CLN6: variants seen among roughly 807,000 people sequenced by gnomAD.
CLN6 encodes the protein ceroid-lipofuscinosis neuronal protein 6.
Under a neutral mutation model 33.3 loss-of-function variants are expected in CLN6, and 22 were observed. The observed-to-expected ratio is 0.66, with a 90% CI of 0.47 to 0.94. The LOEUF is 0.94. Among genes scored for constraint, CLN6 ranks in the 40% least tolerant of loss-of-function variants. CLN6 has a pLI of 0.00. For synonymous variants in CLN6, 201 were observed against 174.6 expected, an observed-to-expected ratio of 1.15 and a Z score of -1.19; for missense variants, 387 against 417.1, an observed-to-expected ratio of 0.93 and a Z score of 0.63.
chr15:68,208,098 A>ACCCCC lies in CLN6; in HGVS notation c.*41_*42insGGGGG. ...TGTATTCAGATGCCCTCCATGGCCC[A>ACCCCC]CCCTCCCACCCAGCAGAGCGCCAGA... On this transcript the variant is annotated 3_prime_UTR_variant, in exon 7 of 7. Transcript: ENST00000249806. The surrounding 1 kb of genome is among the most constrained non-coding windows in gnomAD (Gnocchi z 5.8). 22 of 448,412 alleles carry ACCCCC rather than the reference A, an allele frequency of 4.9e-5. No homozygotes were observed. The highest frequency in any genetic ancestry group is 2.8e-4 in the East Asian group (4 of 14,284). The allele number at this position is 448,412 out of a possible 1,614,324, so 27.8% of individuals were successfully genotyped here. A position where few individuals can be genotyped will look rare whatever the true frequency, so the allele number is the denominator to read the frequency against.
chr15:68,221,840 C>T (rs866220893), intron 1 of CLN6, among the ~76,000 whole-genome samples: 19 of 149,836 alleles, frequency 1.3e-4, no homozygotes, highest in African/African-American at 4.4e-4. Context: ...TGCCCAGCTG[C>T]CCCGTCTAGG....
chr15:68,217,648 G>A (rs572809462), intron 2 of CLN6, among the ~76,000 whole-genome samples: 22 of 152,130 alleles, frequency 1.4e-4, no homozygotes, highest in East Asian at 9.7e-4. Context: ...GTCACTTCCC[G>A]TTTATCTTCC....
chr15:68,231,271 C>T (rs2093268207), upstream of CLN6, among the ~76,000 whole-genome samples: 1 of 152,162 alleles, frequency 6.6e-6, no homozygotes. Context: ...CCCCCCTCCG[C>T]CCCTGGTCCC....
chr15:68,211,323 G>A lies in CLN6; in HGVS notation c.487-5C>T. 1 of 1,613,936 alleles carries A rather than the reference G, an allele frequency of 6.2e-7. No homozygotes were observed. The highest frequency in any genetic ancestry group is 8.5e-7 in the Non-Finnish European group (1 of 1,179,994). On this transcript the variant is annotated splice_polypyrimidine_tract_variant and splice_region_variant and intron_variant, in intron 4 of 6. Coordinates refer to ENST00000249806, the MANE Select transcript of CLN6 (RefSeq NM_017882.3). This position sits in a 1 kb window ranked among gnomAD's most constrained non-coding sequence, Gnocchi z 5.9. Reference sequence around the variant, plus strand: ...GAGCAGCTCAAAGGAGTCGATCTGAGGGAGGAACGGGCAGGGCAGAGTCGG... The same window carrying A: ...GAGCAGCTCAAAGGAGTCGATCTGAAGGAGGAACGGGCAGGGCAGAGTCGG...
At position 68,209,810 on chromosome 15, in the gene CLN6, C is replaced by A; in HGVS notation, c.543-51G>T. The A allele has an allele frequency of 6.2e-7, 1 of 1,608,534 alleles. No individual in the cohort carries two copies. The highest frequency in any genetic ancestry group is 1.1e-5 in the South Asian group (1 of 90,482). ...GAGGCCTGCTCAGCGGCCCTCTTCC[C>A]CACAACCTCTGCAACCACTCCCATG... is the stretch of plus-strand genomic sequence containing the variant. On this transcript the variant is annotated intron_variant, in intron 5 of 6. Coordinates refer to ENST00000249806, the MANE Select transcript of CLN6 (RefSeq NM_017882.3). This position sits in a 1 kb window ranked among gnomAD's most constrained non-coding sequence, Gnocchi z 4.9.
chr15:68,243,552 C>T (rs937468624), intron 1 of CLN6, among the ~76,000 whole-genome samples: 1 of 151,768 alleles, frequency 6.6e-6, no homozygotes, highest in Admixed American at 6.6e-5. Flanking sequence ...GTCAAGAGTT[C>T]GACACCAGCC....
At position 68,209,204 on chromosome 15, in the gene CLN6, A is replaced by G. The variant is rs186703656; in HGVS notation, c.665+433T>C. Among the ~76,000 whole-genome samples the G allele has an allele frequency of 3.2e-4, 49 of 152,246 alleles. 1 individual carries two copies. The East Asian group carries it at 8.9e-3, about 28-fold the overall frequency. On this transcript the variant is annotated intron_variant, in intron 6 of 6. Transcript: ENST00000249806. The surrounding 1 kb of genome is among the most constrained non-coding windows in gnomAD (Gnocchi z 4.9). ...TCGCCATAGTGCTTTACATTTGACA[A>G]AGCCCCTCTCTGTCCTCAGCATCCT...
rs974113989 is a variant in CLN6, at chr15:68,247,075, G to A, written c.179+9615C>T. Among the ~76,000 whole-genome samples the A allele has an allele frequency of 6.6e-6, 1 of 152,096 alleles. No individual in the cohort carries two copies. Among genetic ancestry groups the A allele is most frequent in the African/African-American group, 2.4e-5 (1 of 41,368 alleles). The stretch of plus-strand genomic sequence containing the variant: ...GGAGGCTGAGGCAGGAGAATTGCTT[G>A]AAACTGGGAGGTGTTCTAAGCTCTG... On this transcript the variant is annotated intron_variant, in intron 1 of 6. Transcript: ENST00000538696. The surrounding 1 kb of genome is among the most constrained non-coding windows in gnomAD (Gnocchi z 4.2).
At chr15:68,233,985 T>C (rs566880135), upstream of CLN6, among the ~76,000 whole-genome samples, 26 of 152,314 alleles carry the variant, frequency 1.7e-4, no homozygotes, top group African/African-American at 5.8e-4. The surrounding 1 kb of genome is among the most constrained non-coding windows in gnomAD (Gnocchi z 4.3). Context: ...TTGTGTTTAA[T>C]TCAGATTCTT....
intron 3 of CLN6, chr15:68,212,695 G>C (rs1180744666): frequency 6.6e-6 from 1 of 152,462 alleles, no homozygotes; most frequent in African/African-American, 2.4e-5. Context: ...ATTTTTTGTA[G>C]AGATAGGGTC....
intron 1 of CLN6, among the ~76,000 whole-genome samples, chr15:68,245,026 C>G (rs1196376603): frequency 1.8e-4 from 15 of 83,678 alleles, no homozygotes; most frequent in Admixed American, 2.8e-4. Context: ...CAGAGCAAGA[C>G]TCTGACAAAA....
At chr15:68,252,600 AG>A (rs879943320) in intron 1 of CLN6, among the ~76,000 whole-genome samples, 1 of 152,248 alleles carries the variant, frequency 6.6e-6, no homozygotes, top group Non-Finnish European at 1.5e-5. Flanking sequence ...GATATATTGC[AG>A]GGAAGTTCTT....
intron 2 of CLN6, among the ~76,000 whole-genome samples, chr15:68,216,880 C>T (rs2093221806): frequency 6.6e-6 from 1 of 152,202 alleles, no homozygotes; most frequent in African/African-American, 2.4e-5. Flanking sequence ...ATTTATGTGA[C>T]AGAGAATTCA....
chr15:68,253,441 C>T (rs1892400063), intron 1 of CLN6, among the ~76,000 whole-genome samples: 1 of 152,180 alleles, frequency 6.6e-6, no homozygotes, highest in Non-Finnish European at 1.5e-5. Context: ...CCAAGGCATT[C>T]ATTCCTAAAT....
At chr15:68,248,028 CAA>C (rs34262273) in intron 1 of CLN6, among the ~76,000 whole-genome samples, 6 of 118,160 alleles carry the variant, frequency 5.1e-5, no homozygotes, top group Admixed American at 1.7e-4. Flanking sequence ...AACTCAGTCT[CAA>C]AAAAAAAAAA....
upstream of CLN6, among the ~76,000 whole-genome samples, chr15:68,233,300 C>T (rs1024743362): frequency 4.4e-4 from 6 of 13,658 alleles, no homozygotes; most frequent in South Asian, 5.6e-3. The surrounding 1 kb of genome is among the most constrained non-coding windows in gnomAD (Gnocchi z 4.3). Flanking sequence ...GAAACACCTA[C>T]GGGGGGGTGG....
At chr15:68,243,879 C>T (rs974643378) in intron 1 of CLN6, among the ~76,000 whole-genome samples, 4 of 150,860 alleles carry the variant, frequency 2.7e-5, no homozygotes, top group Non-Finnish European at 4.4e-5. Flanking sequence ...CTAGCTAACA[C>T]AGTGAAACCC....
At chr15:68,252,337 G>C (rs1315155677) in intron 1 of CLN6, among the ~76,000 whole-genome samples, 2 of 152,050 alleles carry the variant, frequency 1.3e-5, no homozygotes, top group Non-Finnish European at 2.9e-5. Context: ...TACATGAATA[G>C]GCACTTTACC....
rs141495538 is a variant in CLN6, at chr15:68,220,307, G to A, written c.84-1657C>T. On this transcript the variant is annotated intron_variant, in intron 1 of 6. Coordinates refer to ENST00000249806, the MANE Select transcript of CLN6 (RefSeq NM_017882.3). The surrounding 1 kb of genome is among the most constrained non-coding windows in gnomAD (Gnocchi z 4.2). ...ATCTAATCCACGCATCTGCTTTACA[G>A]ATGAGGATACTGAGGCTTAGAGGGA... Among the ~76,000 whole-genome samples the A allele has an allele frequency of 4.8e-4, 73 of 152,348 alleles. No individual in the cohort carries two copies. The East Asian group carries it at 9.4e-3, about 20-fold the overall frequency.
Sources: gnomAD v4.1 joint callset for allele counts (sites outside exome capture counted in the v4.1 genomes callset) on GRCh38, gnomAD v4.1.1 for gene constraint, Gnocchi (gnomAD v3.1) non-coding constraint, MANE v1.5 for transcripts, NCBI Gene and HGNC (gene_info 2026-07-23, HGNC 2026-07-21) for gene names.